TRDN: variants seen among roughly 807,000 people sequenced by gnomAD.
TRDN encodes the protein triadin in skeletal muscle.
In TRDN, 161 loss-of-function variants were observed where a neutral mutation model predicts 149.7. The observed-to-expected ratio is 1.08, with a 90% CI of 0.95 to 1.23. The LOEUF (loss-of-function observed/expected upper bound fraction) is 1.23, where lower values mean the gene tolerates loss of function less well. TRDN is among the 50% of genes most tolerant of loss of function. The pLI is 0.00. For synonymous variants in TRDN, 294 were observed against 250.5 expected, an observed-to-expected ratio of 1.17 and a Z score of -1.64; for missense variants, 896 against 823.5, an observed-to-expected ratio of 1.09 and a Z score of -1.08.
intron 2 of TRDN, among the ~76,000 whole-genome samples, chr6:123,563,335 C>T (rs1189146384): frequency 6.6e-6 from 1 of 152,122 alleles, no homozygotes; most frequent in Non-Finnish European, 1.5e-5. Context: ...ATAACGGGCA[C>T]TTTATATTTC....
intron 10 of TRDN, among the ~76,000 whole-genome samples, chr6:123,443,485 G>T (rs1019555922): frequency 1.3e-5 from 2 of 152,024 alleles, no homozygotes; most frequent in Admixed American, 6.5e-5. Flanking sequence ...CAGCAGGCTA[G>T]ATAAATTCAA....
chr6:123,574,868 A>ATATG (rs1395079613), intron 1 of TRDN, among the ~76,000 whole-genome samples: 2 of 122,222 alleles, frequency 1.6e-5, no homozygotes, highest in Non-Finnish European at 3.3e-5. Context: ...ATATATATAT[A>ATATG]TATATATATA....
chr6:123,522,088 C>G (rs1779708595), intron 5 of TRDN, among the ~76,000 whole-genome samples: 1 of 152,132 alleles, frequency 6.6e-6, no homozygotes, highest in South Asian at 2.1e-4. Flanking sequence ...CTAGCCCACT[C>G]TGAAGCTGAC....
At chr6:123,543,308 T>C (rs893539817) in intron 4 of TRDN, among the ~76,000 whole-genome samples, 6 of 152,194 alleles carry the variant, frequency 3.9e-5, no homozygotes, top group African/African-American at 1.4e-4. Flanking sequence ...TCATTAGTCT[T>C]TGGGAATGTG....
At chr6:123,587,657 A>T (rs1248509929) in intron 1 of TRDN, among the ~76,000 whole-genome samples, 2 of 152,072 alleles carry the variant, frequency 1.3e-5, no homozygotes, top group African/African-American at 4.8e-5. Context: ...GTGAGCAATA[A>T]AGCTGTTTAT....
chr6:123,369,180 T>A (rs113918675), intron 19 of TRDN, among the ~76,000 whole-genome samples: 9 of 152,266 alleles, frequency 5.9e-5, no homozygotes, highest in African/African-American at 1.9e-4. Context: ...TTGCTGCAAT[T>A]TCTGCTTTTA....
chr6:123,367,407 T>A (rs1191238900), intron 19 of TRDN, among the ~76,000 whole-genome samples: 1 of 152,136 alleles, frequency 6.6e-6, no homozygotes, highest in African/African-American at 2.4e-5. Context: ...AAGGCGAGCC[T>A]TTACACCCCT....
intron 12 of TRDN, chr6:123,437,381 A>ATTTTTTTTTTTTTTTTT (rs565538741): frequency 1.1e-5 from 2 of 175,846 alleles, no homozygotes; most frequent in African/African-American, 1.0e-4. Flanking sequence ...TGAGATACAG[A>ATTTTTTTTTTTTTTTTT]TTTTTTTTTT....
At chr6:123,359,394 T>C (rs974880519) in intron 20 of TRDN, among the ~76,000 whole-genome samples, 15 of 152,318 alleles carry the variant, frequency 9.8e-5, no homozygotes, top group African/African-American at 3.6e-4. Flanking sequence ...TTTTATCTTA[T>C]GGAAAACAGG....
rs972852277 is a variant in TRDN at position 123,305,367 on chromosome 6, A to T, written c.1510+11090T>A. Among the ~76,000 whole-genome samples, 5 of 152,298 alleles carry T rather than the reference A, an allele frequency of 3.3e-5. No individual in the cohort carries two copies. The East Asian group carries it at 9.6e-4, about 29-fold the overall frequency. The stretch of plus-strand genomic sequence containing the variant: ...TATAATACACCTGTTATTAGATTGT[A>T]ACTCTATATATCATTTTTAGTTATT... On this transcript the variant is annotated intron_variant, in intron 24 of 40. Coordinates refer to ENST00000334268, the MANE Select transcript of TRDN (RefSeq NM_006073.4).
intron 19 of TRDN, among the ~76,000 whole-genome samples, chr6:123,375,335 C>A (rs888546025): frequency 2.0e-5 from 3 of 152,024 alleles, no homozygotes; most frequent in Non-Finnish European, 2.9e-5. Flanking sequence ...ACTTATTATA[C>A]TGCAAAATGA....
intron 21 of TRDN, chr6:123,351,736 A>T (rs1268915620): frequency 1.1e-6 from 1 of 923,462 alleles, no homozygotes; most frequent in African/African-American, 1.8e-5. Context: ...AATTTGAAGG[A>T]GAAATCATTT....
At chr6:123,231,276 G>C (rs1388519548) in intron 38 of TRDN, among the ~76,000 whole-genome samples, 1 of 152,036 alleles carries the variant, frequency 6.6e-6, no homozygotes, top group Non-Finnish European at 1.5e-5. Flanking sequence ...TGAAGTATGA[G>C]ATAGTATATG....
intron 11 of TRDN, among the ~76,000 whole-genome samples, chr6:123,438,342 A>G (rs1202360690): frequency 6.7e-6 from 1 of 150,096 alleles, no homozygotes; most frequent in Non-Finnish European, 1.5e-5. Flanking sequence ...TTTTTTGCCA[A>G]AGGCAAAAAT....
chr6:123,381,328 T>TA (rs768229404), intron 16 of TRDN, 42 bp downstream of exon 16: 5,101 of 1,188,522 alleles, frequency 4.3e-3, no homozygotes, highest in Non-Finnish European at 4.8e-3. Flanking sequence ...ATAATAGTAG[T>TA]AAAAAAAAAA....
intron 1 of TRDN, among the ~76,000 whole-genome samples, chr6:123,601,250 A>G (rs1027370631): frequency 1.6e-4 from 24 of 152,120 alleles, no homozygotes; most frequent in African/African-American, 5.5e-4. Context: ...TAGGTAACAA[A>G]ATGTCCTGCA....
At chr6:123,519,473 G>GTTTTTTTTTTTTTTTTTTTT (rs762378636) in intron 5 of TRDN, among the ~76,000 whole-genome samples, 1 of 73,930 alleles carries the variant, frequency 1.4e-5, no homozygotes, top group African/African-American at 3.6e-5. Context: ...TGACCCTGTG[G>GTTTTTTTTTTTTTTTTTTTT]TTTTTTTTTT....
chr6:123,516,332 G>T, intron 5 of TRDN, 126 bp from the exon 6 acceptor site: 2 of 1,148,160 alleles, frequency 1.7e-6, no homozygotes, highest in Non-Finnish European at 1.1e-6. Context: ...ACTGGATTCA[G>T]ATTTTATGTA....
chr6:123,226,692 G>A (rs1775384086), intron 38 of TRDN, among the ~76,000 whole-genome samples: 1 of 151,738 alleles, frequency 6.6e-6, no homozygotes, highest in African/African-American at 2.4e-5. Context: ...TACAGAACTA[G>A]GAATAAAATT....
Sources: allele counts gnomAD v4.1 joint callset (sites outside exome capture counted in the v4.1 genomes callset), GRCh38; gene constraint gnomAD v4.1.1; transcripts MANE v1.5; gene names NCBI Gene and HGNC (gene_info 2026-07-23, HGNC 2026-07-21).